Variants in FANCL observed in about 807,000 individuals in gnomAD.
FANCL encodes the protein FA complementation group L, also known as E3 ubiquitin-protein ligase FANCL.
In FANCL, 69 loss-of-function variants were observed where a neutral mutation model predicts 59.4. The ratio of observed to expected loss-of-function variants is 1.16; its 90% CI spans 0.96 to 1.42. The LOEUF (loss-of-function observed/expected upper bound fraction) is 1.42, where lower values mean the gene tolerates loss of function less well. Among genes scored for constraint, FANCL ranks in the 40% most tolerant of loss-of-function variants. The probability of loss-of-function intolerance (pLI) is 0.00; values close to 1 mark genes in which losing one functional copy is unlikely to be tolerated. For synonymous variants in FANCL, 180 were observed against 147.1 expected (o/e 1.22, Z -1.62); for missense variants, 519 against 447.2 (o/e 1.16, Z -1.45).
intron 7 of FANCL, among the ~76,000 whole-genome samples, chr2:58,188,441 T>C (rs1688619647): frequency 6.6e-6 from 1 of 151,830 alleles, no homozygotes; most frequent in Middle Eastern, 3.2e-3. Flanking sequence ...GGTTTTTTTG[T>C]TTTTTGGTTT....
chr2:58,198,099 G>A (rs960913505), intron 7 of FANCL, among the ~76,000 whole-genome samples: 1 of 151,836 alleles, frequency 6.6e-6, no homozygotes, highest in Non-Finnish European at 1.5e-5. Context: ...GTGTGTTTGT[G>A]TGTGCATGTA....
chr2:58,179,899 A>G (rs888164818), intron 7 of FANCL, among the ~76,000 whole-genome samples: 5 of 152,176 alleles, frequency 3.3e-5, no homozygotes, highest in African/African-American at 1.2e-4. Flanking sequence ...ACCGTATCTA[A>G]AAGTAGGCAA....
At chr2:58,191,015 T>C (rs1326921258) in intron 7 of FANCL, among the ~76,000 whole-genome samples, 1 of 151,860 alleles carries the variant, frequency 6.6e-6, no homozygotes, top group Non-Finnish European at 1.5e-5. Flanking sequence ...TGGATCTTTA[T>C]TCTCCAATGG....
At chr2:58,187,936 C>T (rs1688568061) in intron 7 of FANCL, among the ~76,000 whole-genome samples, 1 of 152,130 alleles carries the variant, frequency 6.6e-6, no homozygotes. Context: ...TTGATGACGA[C>T]CAATTTATCA....
At chr2:58,190,214 G>C (rs868058868) in intron 7 of FANCL, among the ~76,000 whole-genome samples, 47 of 151,942 alleles carry the variant, frequency 3.1e-4, no homozygotes, top group African/African-American at 1.1e-3. Context: ...CTATACTTAA[G>C]TTATTTTGAC....
Position 58,181,507 on chromosome 2 carries a change from T to A in FANCL, c.541-15633A>T, listed in dbSNP as rs537260631. Among the ~76,000 whole-genome samples the A allele has an allele frequency of 1.2e-4, 19 of 152,132 alleles. No individual in the cohort carries two copies. In the South Asian group the frequency reaches 3.1e-3, roughly 25 times the overall value. On this transcript the variant is annotated intron_variant, in intron 7 of 13. Transcript: ENST00000233741. The stretch of plus-strand genomic sequence containing the variant: ...CTTAAGATTTATGCACTTTACTGTT[T>A]CCAAATTTTACAAAGAACTGAACTC...
At chr2:58,184,993 C>T (rs558625360) in intron 7 of FANCL, among the ~76,000 whole-genome samples, 16 of 152,174 alleles carry the variant, frequency 1.1e-4, no homozygotes, top group South Asian at 2.1e-4. Context: ...GTTGGTATGC[C>T]TTAACGTGGG....
intron 11 of FANCL, among the ~76,000 whole-genome samples, chr2:58,162,045 A>G (rs551840486): frequency 1.4e-4 from 21 of 152,054 alleles, no homozygotes; most frequent in African/African-American, 5.1e-4. Context: ...TTGGCTGGCA[A>G]GATGTTTGGG....
At chr2:58,222,738 A>G (rs915095419) in intron 4 of FANCL, among the ~76,000 whole-genome samples, 1 of 152,104 alleles carries the variant, frequency 6.6e-6, no homozygotes, top group Admixed American at 6.5e-5. Flanking sequence ...AATTATTTTG[A>G]AGTTACCAAC....
intron 4 of FANCL, among the ~76,000 whole-genome samples, chr2:58,222,748 C>A (rs1457677243): frequency 6.6e-6 from 1 of 151,960 alleles, no homozygotes; most frequent in African/African-American, 2.4e-5. Context: ...AAGTTACCAA[C>A]CTAGATAGAC....
At chr2:58,223,480 C>T (rs1279005901) in intron 4 of FANCL, among the ~76,000 whole-genome samples, 2 of 151,908 alleles carry the variant, frequency 1.3e-5, no homozygotes, top group East Asian at 3.8e-4. Flanking sequence ...AGTAAAAACA[C>T]TTTTCAATCT....
intron 7 of FANCL, among the ~76,000 whole-genome samples, chr2:58,191,277 A>C (rs1012424890): frequency 3.3e-5 from 5 of 151,894 alleles, no homozygotes; most frequent in African/African-American, 1.2e-4. Context: ...TTTTTATCCA[A>C]AAGTATTTTA....
chr2:58,187,116 A>G lies in FANCL; in HGVS notation c.540+11478T>C, dbSNP rs534983938. ...TGTTACTATAAAAACACATGCACAC[A>G]TATGTTTATTGCGGCATGATTCACA... On this transcript the variant is annotated intron_variant, in intron 7 of 13. Transcript: ENST00000233741. 8.5e-4 allele frequency among the ~76,000 whole-genome samples: 129 copies of G among 152,270 alleles called. 1 individual carries two copies. Among genetic ancestry groups the G allele is most frequent in the African/African-American group, 2.9e-3 (120 of 41,556 alleles).
At chr2:58,206,272 T>G (rs1434833112) in intron 5 of FANCL, among the ~76,000 whole-genome samples, 1 of 152,166 alleles carries the variant, frequency 6.6e-6, no homozygotes, top group Admixed American at 6.5e-5. Context: ...AAATTCTTTT[T>G]CATTAATCAG....
intron 7 of FANCL, among the ~76,000 whole-genome samples, chr2:58,184,840 A>G (rs59323329): frequency 0.02 from 2,994 of 152,196 alleles, 111 homozygotes; most frequent in African/African-American, 0.069. Flanking sequence ...GGGAGGAAAC[A>G]TCGTGAGAAA....
chr2:58,198,321 AAAAT>A, intron 7 of FANCL, among the ~76,000 whole-genome samples: 1 of 152,312 alleles, frequency 6.6e-6, no homozygotes, highest in South Asian at 2.1e-4. Flanking sequence ...AAAATATTCA[AAAAT>A]AAATAAATAA....
At chr2:58,239,583 T>G (rs1694326432) in intron 1 of FANCL, among the ~76,000 whole-genome samples, 1 of 152,134 alleles carries the variant, frequency 6.6e-6, no homozygotes, top group Non-Finnish European at 1.5e-5. Context: ...ATAAACAAAA[T>G]TTGAAATATG....
chr2:58,204,261 C>T (rs1218446096), intron 5 of FANCL, 35 bp from the exon 6 acceptor site: 26 of 1,491,382 alleles, frequency 1.7e-5, no homozygotes, highest in Middle Eastern at 1.7e-4. Context: ...ATGATCACAC[C>T]GGGGAGAGCT....
At chr2:58,170,525 C>T (rs953701700) in intron 7 of FANCL, among the ~76,000 whole-genome samples, 1 of 152,084 alleles carries the variant, frequency 6.6e-6, no homozygotes, top group Non-Finnish European at 1.5e-5. Flanking sequence ...CAAATTTACA[C>T]ATAAATGTAA....
Sources: allele counts gnomAD v4.1 joint callset (sites outside exome capture counted in the v4.1 genomes callset), GRCh38; gene constraint gnomAD v4.1.1; transcripts MANE v1.5; gene names NCBI Gene and HGNC (gene_info 2026-07-23, HGNC 2026-07-21).